CENPW: variants seen among roughly 807,000 people sequenced by gnomAD.
The protein encoded by CENPW is cancer-up-regulated gene 2 protein.
CENPW carries 3 observed loss-of-function variants against 11.1 expected under a neutral mutation model. The observed-to-expected ratio is 0.27, with a 90% CI of 0.12 to 0.70. The LOEUF (loss-of-function observed/expected upper bound fraction) is 0.70. CENPW is among the 30% of genes least tolerant of loss of function. The pLI, the probability that CENPW is intolerant of heterozygous loss-of-function variation, is 0.77. For synonymous variants in CENPW, 38 were observed against 42.0 expected, an observed-to-expected ratio of 0.91 and a Z score of 0.37; for missense variants, 100 against 105.6, an observed-to-expected ratio of 0.95 and a Z score of 0.23.
the CENPW span, among the ~76,000 whole-genome samples, chr6:126,410,548 A>G: frequency 6.6e-6 from 1 of 151,850 alleles, no homozygotes; most frequent in African/African-American, 2.4e-5. Flanking sequence ...TTCTCTTCAA[A>G]TTTGGCAATT....
chr6:126,448,711 T>G, the CENPW span, among the ~76,000 whole-genome samples: 5 of 150,944 alleles, frequency 3.3e-5, no homozygotes, highest in Non-Finnish European at 4.5e-5. Flanking sequence ...CTGTCACTGG[T>G]ACTGTAATAG....
the CENPW span, among the ~76,000 whole-genome samples, chr6:126,375,984 G>A: frequency 6.6e-6 from 1 of 152,046 alleles, no homozygotes; most frequent in Non-Finnish European, 1.5e-5. Flanking sequence ...TCTCATTATA[G>A]CCTTAGTTGG....
chr6:126,474,840 A>G, the CENPW span, among the ~76,000 whole-genome samples: 1 of 152,266 alleles, frequency 6.6e-6, no homozygotes, highest in East Asian at 1.9e-4. Context: ...GTTTTTGCCA[A>G]TAAAATAAAC....
In CENPW at chr6:126,340,115, G is replaced by T; in HGVS notation, c.-159G>T. 1 of 712,716 alleles carries T rather than the reference G, an allele frequency of 1.4e-6. No individual in the cohort carries two copies. The highest frequency in any genetic ancestry group is 2.4e-6 in the Non-Finnish European group (1 of 417,120). The allele number at this position is 712,716 out of a possible 1,614,324, so 44.1% of individuals were successfully genotyped here. A position where few individuals can be genotyped will look rare whatever the true frequency, so the allele number is the denominator to read the frequency against. Reference sequence around the variant, plus strand: ...AACGTCACTACTGAGCGCCGGGCGCGTTCCGTTGGCGGCGGATTCGAACGT... The same window carrying T: ...AACGTCACTACTGAGCGCCGGGCGCTTTCCGTTGGCGGCGGATTCGAACGT... On this transcript the variant is annotated 5_prime_UTR_variant, in exon 1 of 3. Transcript: ENST00000368328.
At chr6:126,384,314 T>C in the CENPW span, among the ~76,000 whole-genome samples, 1 of 152,050 alleles carries the variant, frequency 6.6e-6, no homozygotes, top group Non-Finnish European at 1.5e-5. Context: ...AAGAGTCTAA[T>C]AGCGAAGGCC....
the CENPW span, among the ~76,000 whole-genome samples, chr6:126,441,063 C>G: frequency 1.3e-5 from 2 of 151,386 alleles, no homozygotes; most frequent in Non-Finnish European, 3.0e-5. Context: ...GCAGATTCTG[C>G]TAATGTTCTA....
chr6:126,340,846 C>T (rs1420450869), intron 1 of CENPW, among the ~76,000 whole-genome samples: 1 of 152,150 alleles, frequency 6.6e-6, no homozygotes, highest in Non-Finnish European at 1.5e-5. Flanking sequence ...GGCCTCCCTT[C>T]TTGCCTCCCT....
chr6:126,362,592 G>A, the CENPW span, among the ~76,000 whole-genome samples: 1 of 152,148 alleles, frequency 6.6e-6, no homozygotes, highest in Non-Finnish European at 1.5e-5. Flanking sequence ...ACAGCGCTTC[G>A]TGGCTTTGTC....
At chr6:126,415,864 A>T in the CENPW span, among the ~76,000 whole-genome samples, 6 of 152,308 alleles carry the variant, frequency 3.9e-5, no homozygotes, top group East Asian at 1.2e-3. Flanking sequence ...AGTCCCAGTT[A>T]TGTCTTTATT....
At chr6:126,376,070 G>A in the CENPW span, among the ~76,000 whole-genome samples, 1 of 152,138 alleles carries the variant, frequency 6.6e-6, no homozygotes, top group Non-Finnish European at 1.5e-5. Flanking sequence ...CCTGAAGATG[G>A]AACTGGCTGA....
At chr6:126,425,549 T>C in the CENPW span, among the ~76,000 whole-genome samples, 1 of 152,088 alleles carries the variant, frequency 6.6e-6, no homozygotes, top group Non-Finnish European at 1.5e-5. Flanking sequence ...AAGACTCTTA[T>C]GAAATTGTCA....
At chr6:126,406,048 G>C in the CENPW span, among the ~76,000 whole-genome samples, 2 of 152,068 alleles carry the variant, frequency 1.3e-5, no homozygotes, top group South Asian at 2.1e-4. Flanking sequence ...TAGAGGAAAA[G>C]CTTTTAACAT....
chr6:126,385,442 A>T, the CENPW span, among the ~76,000 whole-genome samples: 4 of 152,174 alleles, frequency 2.6e-5, no homozygotes, highest in African/African-American at 9.6e-5. Context: ...GAACAAACTC[A>T]TGTCCTTTGA....
At chr6:126,472,723 A>C in the CENPW span, among the ~76,000 whole-genome samples, 2 of 152,234 alleles carry the variant, frequency 1.3e-5, no homozygotes, top group Non-Finnish European at 2.9e-5. Flanking sequence ...AGAAACTGAC[A>C]GGCTGTTTGC....
the CENPW span, among the ~76,000 whole-genome samples, chr6:126,470,634 T>C: frequency 6.6e-6 from 1 of 152,152 alleles, no homozygotes; most frequent in Non-Finnish European, 1.5e-5. Context: ...CCTGTGCATG[T>C]GGAAAAGCTG....
chr6:126,361,302 T>C, the CENPW span, among the ~76,000 whole-genome samples: 1 of 152,048 alleles, frequency 6.6e-6, no homozygotes, highest in Non-Finnish European at 1.5e-5. Context: ...TTTCTTTCTT[T>C]CTTTTTTTCT....
the CENPW span, among the ~76,000 whole-genome samples, chr6:126,469,746 A>G: frequency 6.6e-6 from 1 of 152,336 alleles, no homozygotes; most frequent in South Asian, 2.1e-4. Context: ...GAACTGGAGC[A>G]AAGGTCATTC....
the CENPW span, among the ~76,000 whole-genome samples, chr6:126,403,519 A>G: frequency 1.3e-5 from 2 of 152,136 alleles, no homozygotes; most frequent in South Asian, 4.1e-4. Flanking sequence ...CTAAAGCCCA[A>G]TCCAGAGCAA....
At chr6:126,433,723 A>G in the CENPW span, among the ~76,000 whole-genome samples, 2 of 152,128 alleles carry the variant, frequency 1.3e-5, no homozygotes, top group African/African-American at 4.8e-5. Flanking sequence ...GCTTTTAGCC[A>G]AACCTCTTTT....
Sources: allele counts gnomAD v4.1 joint callset (sites outside exome capture counted in the v4.1 genomes callset), GRCh38; gene constraint gnomAD v4.1.1; transcripts MANE v1.5; gene names NCBI Gene and HGNC (gene_info 2026-07-23, HGNC 2026-07-21).